Variants in MARK1 observed in about 807,000 individuals in gnomAD.
MARK1 encodes microtubule affinity regulating kinase 1.
A neutral mutation model predicts 96.3 loss-of-function variants in MARK1; 40 were observed. The observed-to-expected ratio is 0.42, with a 90% CI of 0.32 to 0.54. The LOEUF is 0.54. MARK1 is among the 20% of genes least tolerant of loss of function. The probability of loss-of-function intolerance (pLI) is 0.16; values close to 1 mark genes in which losing one functional copy is unlikely to be tolerated. For synonymous variants in MARK1, 317 were observed against 341.2 expected (o/e 0.93, Z 0.78); for missense variants, 719 against 984.6 (o/e 0.73, Z 3.61).
chr1:220,625,173 G>A (rs1021685483), intron 9 of MARK1, among the ~76,000 whole-genome samples: 2 of 152,200 alleles, frequency 1.3e-5, no homozygotes, highest in African/African-American at 4.8e-5. Context: ...TGTCCTCAAG[G>A]ACTTTAAATA....
At chr1:220,541,957 C>T (rs1661178134) in intron 1 of MARK1, among the ~76,000 whole-genome samples, 1 of 152,170 alleles carries the variant, frequency 6.6e-6, no homozygotes, top group African/African-American at 2.4e-5. Flanking sequence ...TTTTGTCCCT[C>T]TTATCCTCTC....
chr1:220,657,935 CTAGA>C (rs1669268505), intron 17 of MARK1, 101 bp downstream of exon 17: 1 of 794,928 alleles, frequency 1.3e-6, no homozygotes, highest in African/African-American at 1.8e-5. Context: ...GATCTAATAA[CTAGA>C]TAGCATGCGT....
chr1:220,604,336 G>T (rs1358459555), intron 6 of MARK1, among the ~76,000 whole-genome samples, 199 bp downstream of exon 6: 1 of 151,868 alleles, frequency 6.6e-6, no homozygotes, highest in Non-Finnish European at 1.5e-5. Context: ...GTTATTTTCA[G>T]ATTGTCATAA....
intron 1 of MARK1, among the ~76,000 whole-genome samples, chr1:220,546,964 T>C (rs1375816927): frequency 1.7e-5 from 2 of 116,868 alleles, no homozygotes; most frequent in African/African-American, 6.5e-5. Context: ...AGAGTGAGAC[T>C]CCGTCTCCAA....
chr1:220,651,635 A>G (rs1668883089), intron 14 of MARK1, among the ~76,000 whole-genome samples: 1 of 152,196 alleles, frequency 6.6e-6, no homozygotes, highest in African/African-American at 2.4e-5. Flanking sequence ...AACATATCAC[A>G]CCAAACTGTG....
chr1:220,542,998 A>C (rs1236342016), intron 1 of MARK1, among the ~76,000 whole-genome samples: 1 of 152,164 alleles, frequency 6.6e-6, no homozygotes, highest in Non-Finnish European at 1.5e-5. Flanking sequence ...AAATGTGCAT[A>C]ATTTTCTGTT....
chr1:220,579,686 G>A (rs1406098246), intron 2 of MARK1, 129 bp downstream of exon 2: 15 of 683,640 alleles, frequency 2.2e-5, no homozygotes, highest in Non-Finnish European at 2.8e-5. Flanking sequence ...GTGTGTGAAT[G>A]GAACATTAGT....
At chr1:220,600,441 T>G (rs1365759664) in intron 5 of MARK1, among the ~76,000 whole-genome samples, 3 of 152,228 alleles carry the variant, frequency 2.0e-5, no homozygotes, top group Admixed American at 2.0e-4. Context: ...ATGTTTTAAC[T>G]ATCATGGTGT....
At chr1:220,553,359 T>C (rs796851581) in intron 1 of MARK1, among the ~76,000 whole-genome samples, 2 of 152,230 alleles carry the variant, frequency 1.3e-5, no homozygotes, top group African/African-American at 4.8e-5. Context: ...CATCTACTTA[T>C]GGGTGGTACC....
chr1:220,570,047 G>A (rs528915669), intron 1 of MARK1, among the ~76,000 whole-genome samples: 3 of 152,148 alleles, frequency 2.0e-5, no homozygotes, highest in South Asian at 2.1e-4. Context: ...TAGAAAAATC[G>A]AAGAGAAGTG....
At chr1:220,622,327 G>A (rs1667088603) in intron 9 of MARK1, among the ~76,000 whole-genome samples, 1 of 152,130 alleles carries the variant, frequency 6.6e-6, no homozygotes, top group Non-Finnish European at 1.5e-5. Flanking sequence ...CTGAAGCAAA[G>A]CTCCTCTTAT....
intron 1 of MARK1, among the ~76,000 whole-genome samples, chr1:220,556,645 A>T (rs1662286130): frequency 6.6e-6 from 1 of 152,164 alleles, no homozygotes; most frequent in African/African-American, 2.4e-5. Flanking sequence ...AAATTTGTTT[A>T]AAAAGTTTTA....
intron 1 of MARK1, among the ~76,000 whole-genome samples, chr1:220,535,949 T>A (rs1660654306): frequency 6.6e-6 from 1 of 152,202 alleles, no homozygotes; most frequent in South Asian, 2.1e-4. Context: ...AGTGTGAGGC[T>A]TCTAACTTTG....
chr1:220,661,198 T>C (rs985822664), intron 17 of MARK1, among the ~76,000 whole-genome samples: 3 of 151,964 alleles, frequency 2.0e-5, no homozygotes, highest in Non-Finnish European at 4.4e-5. Context: ...GGAAATGGGA[T>C]TGGGGGTAGT....
Position 220,618,712 on chromosome 1 carries a change from A to G in MARK1, c.866A>G (p.Lys289Arg). ...YMSTDCENLL[K>R]KLLVLNPIKR... Reference sequence around the variant, plus strand: ...TCCACAGACTGTGAAAATCTTCTGAAGAAATTATTAGTCCTGAATCCAATA... The same window carrying G: ...TCCACAGACTGTGAAAATCTTCTGAGGAAATTATTAGTCCTGAATCCAATA... The change falls in exon 9 of 18, where the codon AAG becomes AGG. Residue 289 changes from lysine to arginine, a missense_variant. Physicochemically the swap from Lys to Arg is conservative, Grantham distance 26. This residue lies in a region of MARK1 where 96 missense variants were observed against 213.1 expected (regional missense o/e 0.45). Transcript: ENST00000366917. The surrounding 1 kb of genome is among the most constrained non-coding windows in gnomAD (Gnocchi z 4.6). 1 of 1,612,308 alleles carries G rather than the reference A, an allele frequency of 6.2e-7. No homozygotes were observed. The highest frequency in any genetic ancestry group is 8.5e-7 in the Non-Finnish European group (1 of 1,179,160).
chr1:220,562,150 C>T (rs1349696938), intron 1 of MARK1, among the ~76,000 whole-genome samples: 2 of 152,098 alleles, frequency 1.3e-5, no homozygotes, highest in African/African-American at 4.8e-5. Context: ...GCCAGTTGGC[C>T]TTTTGATGAT....
chr1:220,602,655 A>G (rs1572157815), intron 5 of MARK1, among the ~76,000 whole-genome samples: 1 of 152,130 alleles, frequency 6.6e-6, no homozygotes, highest in African/African-American at 2.4e-5. Context: ...ATCTAGAATT[A>G]ACTACTATGA....
chr1:220,552,231 C>G (rs980676392), intron 1 of MARK1, among the ~76,000 whole-genome samples: 10 of 152,138 alleles, frequency 6.6e-5, no homozygotes, highest in Non-Finnish European at 1.5e-4. Context: ...TCCCTAGGCA[C>G]TAAGACTTCT....
intron 13 of MARK1, among the ~76,000 whole-genome samples, chr1:220,644,722 ATAG>A (rs1668488043): frequency 6.6e-6 from 1 of 152,200 alleles, no homozygotes; most frequent in Non-Finnish European, 1.5e-5. Context: ...TGAAATCATA[ATAG>A]TCTCCCAGAC....
Sources: allele counts gnomAD v4.1 joint callset (sites outside exome capture counted in the v4.1 genomes callset), GRCh38; gene constraint gnomAD v4.1.1; regional missense constraint gnomAD v4.1.1; non-coding constraint Gnocchi (gnomAD v3.1); transcripts MANE v1.5; gene names NCBI Gene and HGNC (gene_info 2026-07-23, HGNC 2026-07-21).